COL19A1: variants seen among roughly 807,000 people sequenced by gnomAD.
The protein encoded by COL19A1 is collagen type XIX alpha 1 chain, also known as collagen alpha-1(XIX) chain.
COL19A1 carries 159 observed loss-of-function variants against 190.2 expected under a neutral mutation model. That is an observed-to-expected ratio of 0.84 (90% confidence interval 0.73 to 0.95). The LOEUF (loss-of-function observed/expected upper bound fraction) is 0.95. COL19A1 is among the 40% of genes least tolerant of loss of function. COL19A1 has a pLI of 0.00. For synonymous variants in COL19A1, 509 were observed against 458.9 expected (o/e 1.11, Z -1.39); for missense variants, 1,418 against 1,431.9 (o/e 0.99, Z 0.16).
intron 11 of COL19A1, among the ~76,000 whole-genome samples, chr6:70,022,585 G>T (rs1002403105): frequency 5.3e-5 from 8 of 152,112 alleles, no homozygotes; most frequent in Non-Finnish European, 1.0e-4. Context: ...TTTTCAGGTG[G>T]CAAGAAAACA....
chr6:69,963,920 C>T (rs1163746674), intron 11 of COL19A1, among the ~76,000 whole-genome samples: 1 of 152,142 alleles, frequency 6.6e-6, no homozygotes, highest in Non-Finnish European at 1.5e-5. Flanking sequence ...CTTGGTCATC[C>T]AAAATTTTCC....
chr6:70,032,956 G>T (rs1201900215), intron 12 of COL19A1, among the ~76,000 whole-genome samples: 1 of 152,086 alleles, frequency 6.6e-6, no homozygotes, highest in African/African-American at 2.4e-5. Context: ...GATTTGGGAA[G>T]AAATGGATAT....
chr6:70,053,730 G>C (rs182502987), intron 14 of COL19A1, among the ~76,000 whole-genome samples: 1 of 151,804 alleles, frequency 6.6e-6, no homozygotes. Context: ...CATTTTTAAC[G>C]TTCAGTCTTT....
chr6:70,133,134 T>A (rs759125031), intron 18 of COL19A1, among the ~76,000 whole-genome samples: 4 of 152,166 alleles, frequency 2.6e-5, no homozygotes, highest in Non-Finnish European at 4.4e-5. Context: ...ACCATAATTT[T>A]GACAAAGAAG....
rs368209348 is a variant in COL19A1 at position 69,928,043 on chromosome 6, A to G, written c.390+11A>G. 1.3e-5 allele frequency: 21 copies of G among 1,610,464 alleles called. No individual in the cohort carries two copies. The African/African-American group carries it at 2.4e-4, about 18-fold the overall frequency. On this transcript the variant is annotated intron_variant, in intron 5 of 50. Coordinates refer to ENST00000620364, the MANE Select transcript of COL19A1 (RefSeq NM_001858.6). ...CAGAATATTCCACAGGTAAAGTACC[A>G]TTAGAGTTGTGCTCATTAGTTTTCC...
rs1332669938 is a variant in COL19A1 at position 69,879,778 on chromosome 6, C to G, written c.91+120C>G. On this transcript the variant is annotated intron_variant, in intron 2 of 50. Coordinates refer to ENST00000620364, the MANE Select transcript of COL19A1 (RefSeq NM_001858.6). Reference sequence around the variant, plus strand: ...TAATGTACTATAACAGAATAAATTACAATTCATTGCTTTCTTCCATTGATC... The same window carrying G: ...TAATGTACTATAACAGAATAAATTAGAATTCATTGCTTTCTTCCATTGATC... 1.1e-5 allele frequency: 9 copies of G among 846,314 alleles called. No individual in the cohort carries two copies. The Admixed American group carries it at 2.5e-4, about 24-fold the overall frequency. The allele number at this position is 846,314 out of a possible 1,614,324, so 52.4% of individuals were successfully genotyped here. A position where few individuals can be genotyped will look rare whatever the true frequency, so the allele number is the denominator to read the frequency against.
At chr6:70,103,801 C>A (rs772897807) in intron 16 of COL19A1, among the ~76,000 whole-genome samples, 3 of 152,196 alleles carry the variant, frequency 2.0e-5, no homozygotes, top group Non-Finnish European at 4.4e-5. Flanking sequence ...TCTTATTTTC[C>A]TCATCTGTCT....
intron 14 of COL19A1, among the ~76,000 whole-genome samples, chr6:70,045,132 G>A (rs1779837680): frequency 1.3e-5 from 2 of 151,796 alleles, no homozygotes; most frequent in Admixed American, 1.3e-4. Context: ...GACCAAAATG[G>A]AGAAATGCCA....
At chr6:69,925,912 C>T (rs1318710759) in intron 4 of COL19A1, among the ~76,000 whole-genome samples, 2 of 152,134 alleles carry the variant, frequency 1.3e-5, no homozygotes, top group Non-Finnish European at 2.9e-5. Context: ...TATAAGAATG[C>T]TTGTGATTTT....
chr6:69,961,576 A>G (rs910001489), intron 10 of COL19A1, among the ~76,000 whole-genome samples: 1 of 152,202 alleles, frequency 6.6e-6, no homozygotes, highest in Non-Finnish European at 1.5e-5. Flanking sequence ...ATATTTTAGG[A>G]AAAATGGTAG....
At chr6:70,130,551 A>G (rs1411259382) in intron 18 of COL19A1, among the ~76,000 whole-genome samples, 1 of 152,190 alleles carries the variant, frequency 6.6e-6, no homozygotes, top group African/African-American at 2.4e-5. Context: ...AAGTGAATAG[A>G]AGGGCCCAGT....
intron 18 of COL19A1, among the ~76,000 whole-genome samples, chr6:70,134,157 C>G (rs13210726): frequency 0.17 from 25,908 of 152,140 alleles, 3,179 homozygotes; most frequent in African/African-American, 0.33. Context: ...AGATGGGTAA[C>G]ACGAAGGTCA....
chr6:70,135,359 G>A (rs558081658), intron 18 of COL19A1, among the ~76,000 whole-genome samples: 1 of 152,290 alleles, frequency 6.6e-6, no homozygotes, highest in Admixed American at 6.5e-5. Context: ...AGAGGTTGGA[G>A]GTGAGGCTGA....
At chr6:70,028,288 G>A (rs1264733076) in intron 12 of COL19A1, among the ~76,000 whole-genome samples, 1 of 152,118 alleles carries the variant, frequency 6.6e-6, no homozygotes, top group Non-Finnish European at 1.5e-5. Context: ...TTGAGAGGTA[G>A]TAAACTCTTT....
intron 4 of COL19A1, among the ~76,000 whole-genome samples, chr6:69,920,203 A>G (rs1771600561): frequency 6.6e-6 from 1 of 152,134 alleles, no homozygotes; most frequent in African/African-American, 2.4e-5. Context: ...TATGAAATAA[A>G]TGTTTTATTA....
chr6:69,931,097 C>T (rs1772732995), intron 6 of COL19A1, among the ~76,000 whole-genome samples: 1 of 152,078 alleles, frequency 6.6e-6, no homozygotes, highest in Non-Finnish European at 1.5e-5. Context: ...TCTGTACAAG[C>T]TCTGTGATTC....
intron 41 of COL19A1, 21 bp downstream of exon 41, chr6:70,172,038 T>G (rs753789129): frequency 2.5e-6 from 4 of 1,605,596 alleles, no homozygotes; most frequent in Admixed American, 1.7e-5. Context: ...AAGTTAGAAA[T>G]GTGTTCATTT....
At chr6:70,044,149 C>G (rs1779782247) in intron 14 of COL19A1, among the ~76,000 whole-genome samples, 1 of 152,170 alleles carries the variant, frequency 6.6e-6, no homozygotes, top group South Asian at 2.1e-4. Flanking sequence ...GCTTCCTCAC[C>G]TCTCTCAGCC....
At chr6:70,001,757 G>C (rs1777276993) in intron 11 of COL19A1, among the ~76,000 whole-genome samples, 1 of 152,170 alleles carries the variant, frequency 6.6e-6, no homozygotes, top group Non-Finnish European at 1.5e-5. Context: ...TTGGCTTAAG[G>C]AGTTTTTGCG....
Sources: allele counts gnomAD v4.1 joint callset (sites outside exome capture counted in the v4.1 genomes callset), GRCh38; gene constraint gnomAD v4.1.1; transcripts MANE v1.5; gene names NCBI Gene and HGNC (gene_info 2026-07-23, HGNC 2026-07-21).